The following STK32A variants were observed in gnomAD, a reference collection of about 807,000 sequenced individuals.
The protein encoded by STK32A is serine/threonine kinase 32A.
A neutral mutation model predicts 53.2 loss-of-function variants in STK32A; 41 were observed. That is an observed-to-expected ratio of 0.77 (90% CI 0.60 to 1.00). STK32A has a LOEUF of 1.00. Among genes scored for constraint, STK32A ranks in the 50% least tolerant of loss-of-function variants. The pLI is 0.00. For synonymous variants in STK32A, 166 were observed against 162.8 expected (o/e 1.02, Z -0.15); for missense variants, 458 against 485.8 (o/e 0.94, Z 0.54).
chr5:147,282,421 T>C (rs1167457979), intron 4 of STK32A, among the ~76,000 whole-genome samples: 1 of 152,164 alleles, frequency 6.6e-6, no homozygotes, highest in African/African-American at 2.4e-5. Flanking sequence ...GCATGATGAA[T>C]GCAACGGTAC....
chr5:147,363,591 C>G (rs1418833755), intron 8 of STK32A, among the ~76,000 whole-genome samples: 1 of 152,170 alleles, frequency 6.6e-6, no homozygotes, highest in Non-Finnish European at 1.5e-5. Flanking sequence ...TGAAGGATAG[C>G]ACATGTTCAC....
rs1037316913 is a variant in STK32A, at chr5:147,348,835, G to A, written c.473-2230G>A. 4.3e-6 allele frequency: 3 copies of A among 703,252 alleles called. No homozygotes were observed. In the African/African-American group the frequency reaches 5.3e-5, roughly 12 times the overall value. The allele number at this position is 703,252 out of a possible 1,614,324, so 43.6% of individuals were successfully genotyped here. On this transcript the variant is annotated intron_variant, in intron 6 of 12. Transcript: ENST00000397936. ...AAACGCTTACTTCTTGCCAAATGCTGTGCTAAGTCTCCTGTAATCATTCTT... is the reference window on the plus strand; with the variant it reads ...AAACGCTTACTTCTTGCCAAATGCTATGCTAAGTCTCCTGTAATCATTCTT...
the STK32A span, chr5:147,397,882 G>A: frequency 6.6e-7 from 1 of 1,525,702 alleles, no homozygotes; most frequent in Non-Finnish European, 8.8e-7. Context: ...CACAGTAAGG[G>A]TAGAGAAAGA....
chr5:147,306,278 A>G (rs549045879), intron 4 of STK32A, among the ~76,000 whole-genome samples: 5 of 152,112 alleles, frequency 3.3e-5, no homozygotes, highest in African/African-American at 7.2e-5. Context: ...GACTCTTTTA[A>G]CCATCTTTCT....
At chr5:147,286,039 A>G (rs1037343657) in intron 4 of STK32A, among the ~76,000 whole-genome samples, 1 of 152,134 alleles carries the variant, frequency 6.6e-6, no homozygotes, top group Non-Finnish European at 1.5e-5. Context: ...CCATCAATCA[A>G]TGAGTGGATA....
At chr5:147,393,884 G>T in the STK32A span, 1 of 765,928 alleles carries the variant, frequency 1.3e-6, no homozygotes, top group Non-Finnish European at 2.1e-6. Context: ...AGGCAAGCGA[G>T]CGTAACATTG....
rs149187421 is a variant in STK32A, at chr5:147,351,614, T to C, written c.562+460T>C. On this transcript the variant is annotated intron_variant, in intron 7 of 12. Coordinates refer to ENST00000397936, the MANE Select transcript of STK32A (RefSeq NM_001112724.2). ...CTGTAATCCCAGCACTTTGGGAGGC[T>C]GAAGTAGGCAGATCATGAGGTCAAA... Among the ~76,000 whole-genome samples, 264 of 151,886 alleles carry C rather than the reference T, an allele frequency of 1.7e-3. 1 individual carries two copies. Among genetic ancestry groups the C allele is most frequent in the African/African-American group, 6.2e-3 (256 of 41,442 alleles).
intron 4 of STK32A, among the ~76,000 whole-genome samples, chr5:147,303,514 C>T (rs758394943): frequency 2.2e-4 from 33 of 152,138 alleles, no homozygotes; most frequent in African/African-American, 4.1e-4. Context: ...AAGTAAATCA[C>T]GAAGTCAGGC....
chr5:147,262,501 T>C (rs1754623316), intron 2 of STK32A, among the ~76,000 whole-genome samples: 1 of 152,156 alleles, frequency 6.6e-6, no homozygotes, highest in Non-Finnish European at 1.5e-5. Context: ...ACTCTAGATA[T>C]GTTTTTAATA....
Position 147,249,520 on chromosome 5 carries a change from C to T in STK32A, c.52+9834C>T, listed in dbSNP as rs149179476. Among the ~76,000 whole-genome samples, 516 of 152,032 alleles carry T rather than the reference C, an allele frequency of 3.4e-3. 5 individuals are homozygous for T. Among genetic ancestry groups the T allele is most frequent in the African/African-American group, 0.012 (479 of 41,432 alleles). On this transcript the variant is annotated intron_variant, in intron 2 of 12. Coordinates refer to ENST00000397936, the MANE Select transcript of STK32A (RefSeq NM_001112724.2). ...TTTCTGGGGGGTGGGAGGCAGAGAC[C>T]GAATTTTCTGATCTGTGAAATCTGA... is the stretch of plus-strand genomic sequence containing the variant.
chr5:147,375,802 A>G (rs1397851822), intron 11 of STK32A: 1 of 152,256 alleles, frequency 6.6e-6, no homozygotes. Context: ...ATTCTCTGTC[A>G]GAGTCAGAGC....
chr5:147,285,984 C>T lies in STK32A; in HGVS notation c.260+6586C>T, dbSNP rs528658372. On this transcript the variant is annotated intron_variant, in intron 4 of 12. Coordinates refer to ENST00000397936, the MANE Select transcript of STK32A (RefSeq NM_001112724.2). ...AATAAGTCATTATTCAAAAAAGATA[C>T]TTACACATGCATGTTTACAGAGCAC... is the stretch of plus-strand genomic sequence containing the variant. 2.0e-5 allele frequency among the ~76,000 whole-genome samples: 3 copies of T among 152,222 alleles called. No individual in the cohort carries two copies. In the South Asian group the frequency reaches 6.2e-4, roughly 32 times the overall value.
intron 11 of STK32A, among the ~76,000 whole-genome samples, chr5:147,379,903 T>G (rs1463830845): frequency 6.6e-6 from 1 of 152,190 alleles, no homozygotes; most frequent in Non-Finnish European, 1.5e-5. Flanking sequence ...TCCATTCTTT[T>G]TTCTTACCCC....
chr5:147,356,017 G>T (rs1756219283), intron 7 of STK32A, among the ~76,000 whole-genome samples: 1 of 151,826 alleles, frequency 6.6e-6, no homozygotes, highest in Admixed American at 6.6e-5. Context: ...AACATTTATT[G>T]TTCCAAGCAC....
At chr5:147,343,116 G>A in intron 6 of STK32A, 73 bp downstream of exon 6, 1 of 1,487,268 alleles carries the variant, frequency 6.7e-7, no homozygotes, top group African/African-American at 1.4e-5. Flanking sequence ...CAGCAGAGGG[G>A]TATTACACAT....
chr5:147,250,224 A>T (rs1753927738), intron 2 of STK32A, among the ~76,000 whole-genome samples: 2 of 152,088 alleles, frequency 1.3e-5, no homozygotes, highest in Admixed American at 1.3e-4. Context: ...TTTTGGAGGC[A>T]TACAGTGATT....
chr5:147,274,273 G>A (rs72823829), intron 2 of STK32A, among the ~76,000 whole-genome samples: 6,478 of 152,218 alleles, frequency 0.043, 198 homozygotes, highest in Middle Eastern at 0.11. Context: ...TTTTCTTGCA[G>A]GCCACATACC....
intron 4 of STK32A, among the ~76,000 whole-genome samples, chr5:147,317,551 T>C (rs894690714): frequency 3.9e-5 from 6 of 152,030 alleles, no homozygotes; most frequent in African/African-American, 1.4e-4. Context: ...GGTCTCAAAC[T>C]CCTGACCTCG....
chr5:147,244,353 G>A (rs1368280), intron 2 of STK32A, among the ~76,000 whole-genome samples: 62,510 of 152,044 alleles, frequency 0.41, 12,980 homozygotes, highest in Admixed American at 0.45. Context: ...GTGTGCAAAT[G>A]TCTGTTCAAG....
Sources: gnomAD v4.1 joint callset for allele counts (sites outside exome capture counted in the v4.1 genomes callset) on GRCh38, gnomAD v4.1.1 for gene constraint, MANE v1.5 for transcripts, NCBI Gene and HGNC (gene_info 2026-07-23, HGNC 2026-07-21) for gene names.